The following PDGFD variants were observed in gnomAD, a reference collection of about 807,000 sequenced individuals.
PDGFD encodes platelet derived growth factor D, also known as platelet-derived growth factor D.
Under a neutral mutation model 44.7 loss-of-function variants are expected in PDGFD, and 30 were observed. That is an observed-to-expected ratio of 0.67 (90% CI 0.50 to 0.91). The LOEUF (loss-of-function observed/expected upper bound fraction) is 0.91. Among genes scored for constraint, PDGFD ranks in the 40% least tolerant of loss-of-function variants. The probability of loss-of-function intolerance (pLI) is 0.00; values close to 1 mark genes in which losing one functional copy is unlikely to be tolerated. For missense variants in PDGFD, 445 were observed against 457.8 expected (o/e 0.97, Z 0.25); for synonymous variants, 173 against 168.4 (o/e 1.03, Z -0.21).
chr11:104,007,573 C>T (rs1380643262), intron 1 of PDGFD, among the ~76,000 whole-genome samples: 1 of 152,220 alleles, frequency 6.6e-6, no homozygotes, highest in Non-Finnish European at 1.5e-5. Flanking sequence ...TGGAACACTA[C>T]AGACATGCCC....
At chr11:104,071,921 C>T (rs768178906) in intron 1 of PDGFD, among the ~76,000 whole-genome samples, 66 of 151,806 alleles carry the variant, frequency 4.3e-4, no homozygotes, top group Non-Finnish European at 9.0e-4. Context: ...TCTAGACTTT[C>T]TATTCTATTC....
chr11:104,008,411 A>G (rs1480672715), intron 1 of PDGFD, among the ~76,000 whole-genome samples: 1 of 152,164 alleles, frequency 6.6e-6, no homozygotes, highest in Non-Finnish European at 1.5e-5. Flanking sequence ...GATATTATAT[A>G]TAGTTGTATG....
chr11:103,913,602 A>G (rs1158328087), intron 6 of PDGFD, among the ~76,000 whole-genome samples: 1 of 152,238 alleles, frequency 6.6e-6, no homozygotes, highest in Non-Finnish European at 1.5e-5. Flanking sequence ...CTAGAGAAGA[A>G]AGAGCAAACA....
chr11:104,137,420 T>A (rs895262623), intron 1 of PDGFD, among the ~76,000 whole-genome samples: 1 of 151,852 alleles, frequency 6.6e-6, no homozygotes, highest in African/African-American at 2.4e-5. Flanking sequence ...AAAACCTTCA[T>A]GGGAACTGGG....
At chr11:104,081,064 C>T (rs1478981972) in intron 1 of PDGFD, among the ~76,000 whole-genome samples, 1 of 152,202 alleles carries the variant, frequency 6.6e-6, no homozygotes, top group Admixed American at 6.5e-5. Flanking sequence ...AACTGTCCAG[C>T]TAAGCCATCC....
chr11:104,073,471 T>C (rs879608778), intron 1 of PDGFD, among the ~76,000 whole-genome samples: 3 of 152,200 alleles, frequency 2.0e-5, no homozygotes, highest in African/African-American at 7.2e-5. Flanking sequence ...TGACAATTTC[T>C]AGACTAATTT....
chr11:103,953,155 A>G (rs1031049249), intron 3 of PDGFD, among the ~76,000 whole-genome samples: 1 of 152,198 alleles, frequency 6.6e-6, no homozygotes, highest in African/African-American at 2.4e-5. Flanking sequence ...TATATACAAG[A>G]TGTGTACATA....
At chr11:104,075,528 C>T (rs1860944076) in intron 1 of PDGFD, among the ~76,000 whole-genome samples, 4 of 151,954 alleles carry the variant, frequency 2.6e-5, no homozygotes, top group South Asian at 2.1e-4. Context: ...GGGTCTTGCT[C>T]GGTCACCCAG....
At chr11:104,058,645 A>G (rs1006958082) in intron 1 of PDGFD, among the ~76,000 whole-genome samples, 1 of 152,212 alleles carries the variant, frequency 6.6e-6, no homozygotes, top group South Asian at 2.1e-4. Flanking sequence ...TATTTATGCC[A>G]AGGAAATAAC....
chr11:104,067,845 T>C (rs1019197638), intron 1 of PDGFD, among the ~76,000 whole-genome samples: 11 of 152,274 alleles, frequency 7.2e-5, no homozygotes, highest in Admixed American at 2.0e-4. Context: ...CTAGTATTTG[T>C]AGCAATGGCA....
chr11:104,025,524 C>T (rs1017949529), intron 1 of PDGFD, among the ~76,000 whole-genome samples: 5 of 152,184 alleles, frequency 3.3e-5, no homozygotes, highest in Non-Finnish European at 4.4e-5. Context: ...GATGTAGATA[C>T]AGGCAGTCTT....
At position 104,072,777 on chromosome 11, in the gene PDGFD, G is replaced by C. The variant is rs533585678; in HGVS notation, c.125-72522C>G. Among the ~76,000 whole-genome samples the C allele has an allele frequency of 4.6e-3, 695 of 151,966 alleles. 7 individuals are homozygous for C. Among genetic ancestry groups the C allele is most frequent in the African/African-American group, 0.016 (663 of 41,522 alleles). The stretch of plus-strand genomic sequence containing the variant: ...TTTTGAGTTTCGTTTTCCTGAAATG[G>C]GTGTTAAATTTGTCAGAAGCTTTTT... On this transcript the variant is annotated intron_variant, in intron 1 of 6. Transcript: ENST00000393158.
At chr11:104,000,758 CA>C (rs1859608023) in intron 1 of PDGFD, among the ~76,000 whole-genome samples, 1 of 152,158 alleles carries the variant, frequency 6.6e-6, no homozygotes, top group African/African-American at 2.4e-5. Flanking sequence ...TTAGAATCAG[CA>C]AATAATTTCA....
chr11:104,040,363 C>T (rs1462452025), intron 1 of PDGFD, among the ~76,000 whole-genome samples: 1 of 151,974 alleles, frequency 6.6e-6, no homozygotes, highest in Non-Finnish European at 1.5e-5. Context: ...AAAGAAAAAT[C>T]ATTAAACAAA....
chr11:103,918,814 T>C (rs1021733665), intron 6 of PDGFD, among the ~76,000 whole-genome samples: 15 of 152,036 alleles, frequency 9.9e-5, no homozygotes, highest in Non-Finnish European at 1.5e-5. Flanking sequence ...GTACACAGCA[T>C]TGAAAGAAGG....
At chr11:104,049,499 G>T (rs1366779351) in intron 1 of PDGFD, among the ~76,000 whole-genome samples, 2 of 152,046 alleles carry the variant, frequency 1.3e-5, no homozygotes, top group Non-Finnish European at 2.9e-5. Context: ...GCTTTTAGGG[G>T]TTTTTAAGCA....
At chr11:104,085,365 TC>T (rs1039620202) in intron 1 of PDGFD, among the ~76,000 whole-genome samples, 1 of 152,176 alleles carries the variant, frequency 6.6e-6, no homozygotes, top group African/African-American at 2.4e-5. Flanking sequence ...GTCCTTGAGG[TC>T]TATCCAAGTT....
intron 1 of PDGFD, among the ~76,000 whole-genome samples, chr11:104,064,104 G>A (rs1423768193): frequency 6.6e-6 from 1 of 152,172 alleles, no homozygotes; most frequent in East Asian, 1.9e-4. Flanking sequence ...TACATTCAGA[G>A]CGTCCAAAAA....
chr11:104,028,093 G>A (rs929713703), intron 1 of PDGFD, among the ~76,000 whole-genome samples: 1 of 151,436 alleles, frequency 6.6e-6, no homozygotes, highest in African/African-American at 2.4e-5. Context: ...TGGAGACTGA[G>A]GCAGGAGAAT....
Sources: gnomAD v4.1 joint callset for allele counts (sites outside exome capture counted in the v4.1 genomes callset) on GRCh38, gnomAD v4.1.1 for gene constraint, MANE v1.5 for transcripts, NCBI Gene and HGNC (gene_info 2026-07-23, HGNC 2026-07-21) for gene names.